Variants in WWP2 observed in about 807,000 individuals in gnomAD.
The protein encoded by WWP2 is WW domain containing E3 ubiquitin protein ligase 2, also known as NEDD4-like E3 ubiquitin-protein ligase WWP2.
Under a neutral mutation model 121.0 loss-of-function variants are expected in WWP2, and 57 were observed. The ratio of observed to expected loss-of-function variants is 0.47; its 90% CI spans 0.38 to 0.59. The LOEUF (loss-of-function observed/expected upper bound fraction) is 0.59, where lower values mean the gene tolerates loss of function less well. Ranked by LOEUF, WWP2 falls within the 20% of genes least tolerant of loss-of-function variation. WWP2 has a pLI of 0.00. For synonymous variants in WWP2, 449 were observed against 441.3 expected (o/e 1.02, Z -0.22); for missense variants, 962 against 1,158.9 (o/e 0.83, Z 2.47).
At chr16:69,924,435 G>GA (rs939481856) in intron 10 of WWP2, among the ~76,000 whole-genome samples, 3 of 151,784 alleles carry the variant, frequency 2.0e-5, no homozygotes, top group Admixed American at 6.6e-5. Context: ...GCTTCAGAAA[G>GA]AAAAAAAAGA....
At chr16:69,939,708 A>C in intron 23 of WWP2, 133 bp from the exon 24 acceptor site, 1 of 735,026 alleles carries the variant, frequency 1.4e-6, no homozygotes, top group South Asian at 1.9e-5. Flanking sequence ...TGCAATGTGA[A>C]GGCCTGACTG....
chr16:69,920,612 A>C (rs2058545881), intron 10 of WWP2, among the ~76,000 whole-genome samples: 1 of 151,214 alleles, frequency 6.6e-6, no homozygotes, highest in Non-Finnish European at 1.5e-5. Flanking sequence ...GATTATCCAA[A>C]ATTTCTCATT....
At position 69,773,610 on chromosome 16, in the gene WWP2, A is replaced by T. The variant is rs552324112; in HGVS notation, c.-16+11219A>T. Among the ~76,000 whole-genome samples, 17 of 152,142 alleles carry T rather than the reference A, an allele frequency of 1.1e-4. No homozygotes were observed. The East Asian group carries it at 2.7e-3, about 24-fold the overall frequency. On this transcript the variant is annotated intron_variant, in intron 1 of 23. Coordinates refer to ENST00000359154, the MANE Select transcript of WWP2 (RefSeq NM_001270454.2). The stretch of plus-strand genomic sequence containing the variant: ...GATTTCCCACCTCAGCCTCCTGAGT[A>T]GCTGGGACTACAGGCATGCACCACC...
At chr16:69,835,822 A>T (rs4985374) in intron 4 of WWP2, among the ~76,000 whole-genome samples, 1 of 147,062 alleles carries the variant, frequency 6.8e-6, no homozygotes, top group Non-Finnish European at 1.5e-5. Context: ...TTTTTTTTTG[A>T]GACAGAGTCT....
rs529487746 is a variant in WWP2, at chr16:69,848,637, T to TAAA, written c.575+6539_575+6541dup. On this transcript the variant is annotated intron_variant, in intron 6 of 23. Coordinates refer to ENST00000359154, the MANE Select transcript of WWP2 (RefSeq NM_001270454.2). ...GGGCAACAGAGCTAGATGCTGTTGC[T>TAAA]AAAAAAAAAAAAAAAAAAAAAAAAG... 4.7e-3 allele frequency among the ~76,000 whole-genome samples: 380 copies of TAAA among 81,354 alleles called. 3 individuals carry two copies. Among genetic ancestry groups the TAAA allele is most frequent in the Admixed American group, 6.0e-3 (38 of 6,378 alleles). 53.4% of individuals were successfully genotyped at this position (81,354 alleles called of 152,430 possible). A position where few individuals can be genotyped will look rare whatever the true frequency, so the allele number is the denominator to read the frequency against.
chr16:69,840,315 C>CGGGGACTGGGTGGGGGTGGGG, intron 5 of WWP2, 52 bp downstream of exon 5: 1 of 1,217,542 alleles, frequency 8.2e-7, no homozygotes, highest in East Asian at 2.9e-5. Flanking sequence ...TGGGGCTGGG[C>CGGGGACTGGGTGGGGGTGGGG]GGGGGCCAGG....
chr16:69,909,708 A>G, intron 9 of WWP2: 1 of 984,464 alleles, frequency 1.0e-6, no homozygotes, highest in South Asian at 4.7e-5. Flanking sequence ...CTCAAATTAG[A>G]AAAAAACAAA....
chr16:69,801,137 C>T lies in WWP2; in HGVS notation c.340+1842C>T, dbSNP rs537103236. Among the ~76,000 whole-genome samples, 17 of 145,116 alleles carry T rather than the reference C, an allele frequency of 1.2e-4. No homozygotes were observed. In the East Asian group the frequency reaches 1.4e-3, roughly 12 times the overall value. On this transcript the variant is annotated intron_variant, in intron 4 of 23. Coordinates refer to ENST00000359154, the MANE Select transcript of WWP2 (RefSeq NM_001270454.2). ...CCGGGAGGTGGAGGTTCCAGTGAGC[C>T]GAGATTGCGCCACTGCACTCCAGCC...
chr16:69,897,803 G>A (rs2058130254), intron 8 of WWP2, among the ~76,000 whole-genome samples: 1 of 151,858 alleles, frequency 6.6e-6, no homozygotes, highest in Non-Finnish European at 1.5e-5. Flanking sequence ...AGCTACTCAG[G>A]AGGCTGAGGC....
At chr16:69,888,946 T>C (rs148521751) in intron 8 of WWP2, among the ~76,000 whole-genome samples, 8,059 of 152,014 alleles carry the variant, frequency 0.053, 276 homozygotes, top group Middle Eastern at 0.11. Flanking sequence ...CCTCACATCA[T>C]CCACCTGCCT....
intron 6 of WWP2, 145 bp downstream of exon 6, chr16:69,842,265 C>G: frequency 2.8e-6 from 2 of 702,106 alleles, no homozygotes; most frequent in Non-Finnish European, 2.4e-6. Flanking sequence ...GTTAAGAAAG[C>G]TAATAGAGGA....
At chr16:69,827,316 C>G (rs765412514) in intron 4 of WWP2, among the ~76,000 whole-genome samples, 1 of 152,014 alleles carries the variant, frequency 6.6e-6, no homozygotes, top group Non-Finnish European at 1.5e-5. Context: ...AGGGTGCATT[C>G]TATAATGTCA....
chr16:69,925,170 CCTCCCCGTCG>C lies in WWP2; in HGVS notation c.1180-256_1180-247del. The C allele has an allele frequency of 7.8e-7, 1 of 1,275,846 alleles. No homozygotes were observed. The highest frequency in any genetic ancestry group is 2.0e-5 in the South Asian group (1 of 48,966). The allele number at this position is 1,275,846 out of a possible 1,614,324, so 79.0% of individuals were successfully genotyped here. A position where few individuals can be genotyped will look rare whatever the true frequency, so the allele number is the denominator to read the frequency against. On this transcript the variant is annotated intron_variant, in intron 10 of 23. Coordinates refer to ENST00000359154, the MANE Select transcript of WWP2 (RefSeq NM_001270454.2). This position sits in a 1 kb window ranked among gnomAD's most constrained non-coding sequence, Gnocchi z 4.0. The stretch of plus-strand genomic sequence containing the variant: ...GCACACCTTCACCCGCGTACCGCCT[CCTCCCCGTCG>C]CTCTGCCTTTTCCAAAACTCACTTG...
intron 17 of WWP2, among the ~76,000 whole-genome samples, chr16:69,934,764 G>C (rs1040995215): frequency 4.6e-5 from 7 of 151,118 alleles, no homozygotes; most frequent in African/African-American, 1.2e-4. Context: ...AAACTCTTCA[G>C]TACCTACAGG....
At chr16:69,859,506 T>A (rs2057378351) in intron 6 of WWP2, among the ~76,000 whole-genome samples, 1 of 151,602 alleles carries the variant, frequency 6.6e-6, no homozygotes, top group South Asian at 2.1e-4. Flanking sequence ...CAGTGAGCTG[T>A]GATTGCACCA....
chr16:69,793,664 T>C (rs948707663), intron 2 of WWP2, among the ~76,000 whole-genome samples: 1 of 150,382 alleles, frequency 6.6e-6, no homozygotes, highest in Admixed American at 6.6e-5. Context: ...AGTCAGTAGA[T>C]TGCCAGAAAG....
chr16:69,935,908 G>T lies in WWP2; in HGVS notation c.1898G>T (p.Arg633Leu). 6.2e-7 allele frequency: 1 copy of T among 1,613,988 alleles called. No individual in the cohort carries two copies. Among genetic ancestry groups the T allele is most frequent in the Non-Finnish European group, 8.5e-7 (1 of 1,180,006 alleles). Residue 633 changes from arginine (R) to leucine (L), a missense_variant, in exon 18 of 24, where the codon CGG becomes CTG. Around this residue, in one of 3 missense-constraint regions of WWP2, gnomAD observed 606 missense variants for 772.6 expected, o/e 0.78. Transcript: ENST00000359154. The surrounding 1 kb of genome is among the most constrained non-coding windows in gnomAD (Gnocchi z 5.2). Reference protein sequence around the residue: ...DTGFTLPFYKRMLNKRPTLKD... With the variant: ...DTGFTLPFYKLMLNKRPTLKD... ...GGCTTCACCCTCCCTTTCTACAAGC[G>T]GATGCTCAATAAGAGACCAACCCTG...
rs1259596928 is a variant in WWP2 at position 69,937,034 on chromosome 16, G to A, written c.2118-84G>A. ...GGCTCTGCTGATCTGGTGGTCCTGC[G>A]CGGTAACGGCCACGCGGCCTGGCCG... On this transcript the variant is annotated intron_variant, in intron 19 of 23. Transcript: ENST00000359154. This position sits in a 1 kb window ranked among gnomAD's most constrained non-coding sequence, Gnocchi z 6.6. The A allele has an allele frequency of 9.8e-6, 15 of 1,537,836 alleles. No homozygotes were observed. Among genetic ancestry groups the A allele is most frequent in the East Asian group, 7.0e-5 (3 of 42,804 alleles).
intron 1 of WWP2, among the ~76,000 whole-genome samples, chr16:69,783,751 G>A (rs1192236694): frequency 1.4e-5 from 2 of 147,878 alleles, no homozygotes; most frequent in South Asian, 4.2e-4. Context: ...TTTGAGACTA[G>A]TCTGGGCAAC....
Sources: gnomAD v4.1 joint callset for allele counts (sites outside exome capture counted in the v4.1 genomes callset) on GRCh38, gnomAD v4.1.1 for gene constraint, gnomAD v4.1.1 regional missense constraint, Gnocchi (gnomAD v3.1) non-coding constraint, MANE v1.5 for transcripts, NCBI Gene and HGNC (gene_info 2026-07-23, HGNC 2026-07-21) for gene names.